The following LRP1B variants were observed in gnomAD, a reference collection of about 807,000 sequenced individuals.
The protein encoded by LRP1B is low-density lipoprotein receptor-related protein 1B.
A neutral mutation model predicts 556.6 loss-of-function variants in LRP1B; 217 were observed. That is an observed-to-expected ratio of 0.39 (90% CI 0.35 to 0.44). The LOEUF (loss-of-function observed/expected upper bound fraction) is 0.44, where lower values mean the gene tolerates loss of function less well. LRP1B is among the 20% of genes least tolerant of loss of function. LRP1B has a pLI of 1.00. For synonymous variants in LRP1B, 2,047 were observed against 1,865.8 expected (o/e 1.10, Z -2.50); for missense variants, 5,053 against 5,620.8 (o/e 0.90, Z 3.23).
chr2:141,603,671 G>A (rs749499678), intron 2 of LRP1B, among the ~76,000 whole-genome samples: 16 of 152,196 alleles, frequency 1.1e-4, no homozygotes, highest in Non-Finnish European at 2.1e-4. Context: ...AGGCTTTTAA[G>A]TAAAATACTG....
intron 3 of LRP1B, among the ~76,000 whole-genome samples, chr2:141,404,521 C>T (rs559569505): frequency 6.6e-6 from 1 of 152,216 alleles, no homozygotes; most frequent in Admixed American, 6.5e-5. Flanking sequence ...GTTTTATGTG[C>T]CAGAGCTGCT....
At chr2:140,501,372 A>C (rs184063754) in intron 55 of LRP1B, among the ~76,000 whole-genome samples, 56 of 152,162 alleles carry the variant, frequency 3.7e-4, no homozygotes, top group Admixed American at 1.6e-3. Context: ...TGGAAACTTA[A>C]GAGTTAAATA....
chr2:140,404,753 T>C (rs142274569), intron 66 of LRP1B, among the ~76,000 whole-genome samples: 42 of 152,140 alleles, frequency 2.8e-4, no homozygotes, highest in African/African-American at 9.2e-4. Context: ...TCCACACAAA[T>C]GGAAACCAAA....
At chr2:142,102,372 C>T (rs1445321164) in intron 1 of LRP1B, among the ~76,000 whole-genome samples, 1 of 151,596 alleles carries the variant, frequency 6.6e-6, no homozygotes, top group East Asian at 1.9e-4. Context: ...TTGTATTAAA[C>T]TTGAGTTTGT....
intron 75 of LRP1B, among the ~76,000 whole-genome samples, chr2:140,353,278 A>G (rs906545801): frequency 1.3e-5 from 2 of 152,052 alleles, no homozygotes; most frequent in African/African-American, 2.4e-5. Context: ...ATCAATTGTC[A>G]TTGCTTTTAT....
intron 7 of LRP1B, among the ~76,000 whole-genome samples, chr2:141,074,589 C>CTCTCTCTA (rs10643830): frequency 0.16 from 21,240 of 136,016 alleles, 1,857 homozygotes; most frequent in Middle Eastern, 0.19. Flanking sequence ...CTCTCTCTCT[C>CTCTCTCTA]TATATATATA....
At chr2:141,021,865 T>C (rs1698073647) in intron 11 of LRP1B, among the ~76,000 whole-genome samples, 1 of 151,970 alleles carries the variant, frequency 6.6e-6, no homozygotes, top group Admixed American at 6.6e-5. Flanking sequence ...AAGCTATTAA[T>C]AGCTACTGCA....
chr2:140,427,126 G>A (rs561314325), intron 66 of LRP1B, among the ~76,000 whole-genome samples: 8 of 152,230 alleles, frequency 5.3e-5, no homozygotes, highest in East Asian at 1.9e-4. Flanking sequence ...CTCCGGCGCC[G>A]GTCACGGACT....
At chr2:141,647,127 T>C (rs1689597841) in intron 2 of LRP1B, among the ~76,000 whole-genome samples, 6 of 151,950 alleles carry the variant, frequency 3.9e-5, no homozygotes, top group Admixed American at 3.3e-4. Context: ...TATGAGAAAA[T>C]TACTGATTTT....
At chr2:140,260,567 A>G (rs1349340536) in intron 86 of LRP1B, among the ~76,000 whole-genome samples, 2 of 151,756 alleles carry the variant, frequency 1.3e-5, no homozygotes, top group Non-Finnish European at 2.9e-5. Context: ...AGATTGGGTC[A>G]TATGCTTTAT....
At chr2:142,043,900 T>A (rs1398043370) in intron 1 of LRP1B, among the ~76,000 whole-genome samples, 1 of 151,730 alleles carries the variant, frequency 6.6e-6, no homozygotes, top group Non-Finnish European at 1.5e-5. Context: ...AGGTGAGACA[T>A]ATTTTGAATA....
intron 81 of LRP1B, 95 bp downstream of exon 81, chr2:140,323,797 CA>C (rs1680298695): frequency 3.3e-6 from 2 of 607,156 alleles, no homozygotes; most frequent in East Asian, 6.1e-5. Context: ...GAGGTTAAGA[CA>C]TTTACATAGT....
chr2:141,624,032 T>TAAAAAAAAAAAAAAAA (rs761446527), intron 2 of LRP1B, among the ~76,000 whole-genome samples: 6 of 14,442 alleles, frequency 4.2e-4, no homozygotes, highest in Non-Finnish European at 1.0e-3. Context: ...AAAAAAAAAT[T>TAAAAAAAAAAAAAAAA]AAACAAAAAA....
At chr2:141,607,625 A>G (rs902405256) in intron 2 of LRP1B, among the ~76,000 whole-genome samples, 3 of 152,324 alleles carry the variant, frequency 2.0e-5, no homozygotes, top group Middle Eastern at 3.4e-3. Context: ...TCAATTAAAA[A>G]TAAATTGTTT....
At chr2:140,783,892 A>G (rs1236138785) in intron 32 of LRP1B, among the ~76,000 whole-genome samples, 1 of 152,194 alleles carries the variant, frequency 6.6e-6, no homozygotes, top group Non-Finnish European at 1.5e-5. Flanking sequence ...AAGTTCTCAA[A>G]TTTCAGCATG....
At chr2:141,561,429 A>T (rs1333303909) in intron 2 of LRP1B, among the ~76,000 whole-genome samples, 1 of 151,810 alleles carries the variant, frequency 6.6e-6, no homozygotes, top group Non-Finnish European at 1.5e-5. Context: ...TTAAACAGGA[A>T]ACTAGGACAA....
chr2:141,753,826 T>C (rs774105144), intron 2 of LRP1B, among the ~76,000 whole-genome samples: 1 of 152,164 alleles, frequency 6.6e-6, no homozygotes, highest in Non-Finnish European at 1.5e-5. Context: ...TTTCCTTAAA[T>C]AAATATTTTT....
chr2:141,380,567 A>G (rs1689599893), intron 3 of LRP1B, among the ~76,000 whole-genome samples: 2 of 152,196 alleles, frequency 1.3e-5, no homozygotes, highest in African/African-American at 4.8e-5. Flanking sequence ...CTGAGAGCTG[A>G]CAGGGCTTGG....
intron 2 of LRP1B, among the ~76,000 whole-genome samples, chr2:141,748,725 T>C (rs1191931267): frequency 6.6e-6 from 1 of 152,210 alleles, no homozygotes; most frequent in Non-Finnish European, 1.5e-5. Context: ...GAAGATATAC[T>C]AGGTTTCTGT....
Sources: allele counts gnomAD v4.1 joint callset (sites outside exome capture counted in the v4.1 genomes callset), GRCh38; gene constraint gnomAD v4.1.1; transcripts MANE v1.5; gene names NCBI Gene and HGNC (gene_info 2026-07-23, HGNC 2026-07-21).